Variants in PADI6 observed in about 807,000 individuals in gnomAD.
PADI6 encodes inactive protein-arginine deiminase type-6.
In PADI6, 66 loss-of-function variants were observed where a neutral mutation model predicts 78.2. The ratio of observed to expected loss-of-function variants is 0.84; its 90% CI spans 0.69 to 1.04. The LOEUF is 1.04. PADI6 is among the 50% of genes least tolerant of loss of function. PADI6 has a pLI of 0.00. For synonymous variants in PADI6, 397 were observed against 346.9 expected, an observed-to-expected ratio of 1.14 and a Z score of -1.60; for missense variants, 854 against 866.1, an observed-to-expected ratio of 0.99 and a Z score of 0.18.
intron 3 of PADI6, among the ~76,000 whole-genome samples, chr1:17,375,836 G>T (rs1039149094): frequency 2.0e-5 from 3 of 152,134 alleles, no homozygotes; most frequent in Non-Finnish European, 4.4e-5. Context: ...CTGGTCCAAA[G>T]TTAGTCTTTC....
At chr1:17,395,882 G>A (rs935048325) in intron 13 of PADI6, among the ~76,000 whole-genome samples, 3 of 152,206 alleles carry the variant, frequency 2.0e-5, no homozygotes, top group African/African-American at 7.2e-5. Context: ...CTGTTTGGAT[G>A]TATTTGAAGG....
intron 6 of PADI6, among the ~76,000 whole-genome samples, chr1:17,386,966 G>A (rs1420153403): frequency 6.6e-6 from 1 of 152,196 alleles, no homozygotes; most frequent in East Asian, 1.9e-4. Flanking sequence ...TGGATCTCTT[G>A]GGGTTCTAGT....
intron 2 of PADI6, 48 bp from the exon 3 acceptor site, chr1:17,375,379 C>A (rs1396468670): frequency 2.6e-6 from 4 of 1,534,190 alleles, no homozygotes; most frequent in Non-Finnish European, 3.6e-6. Flanking sequence ...CTGTTCCTGG[C>A]ACCTCCCGTC....
At chr1:17,376,491 A>AT (rs35174721) in intron 3 of PADI6, among the ~76,000 whole-genome samples, 9,074 of 148,200 alleles carry the variant, frequency 0.061, 610 homozygotes, top group African/African-American at 0.16. Flanking sequence ...TAGTGGGCTA[A>AT]TTTTTTTTAT....
At chr1:17,397,851 A>G (rs1460708864) in intron 14 of PADI6, among the ~76,000 whole-genome samples, 3 of 152,156 alleles carry the variant, frequency 2.0e-5, no homozygotes, top group Non-Finnish European at 2.9e-5. Flanking sequence ...TTCCCGGAAA[A>G]TGACATAGCT....
chr1:17,391,615 G>T (rs913825564), intron 8 of PADI6, among the ~76,000 whole-genome samples: 1 of 152,168 alleles, frequency 6.6e-6, no homozygotes. Flanking sequence ...TGTGCACAAC[G>T]GCTTGAAGAC....
chr1:17,394,641 C>T (rs994377343), intron 11 of PADI6, among the ~76,000 whole-genome samples, 187 bp downstream of exon 11: 7 of 152,044 alleles, frequency 4.6e-5, no homozygotes, highest in South Asian at 2.1e-4. Context: ...TCTTTGATTC[C>T]AGGGTTTAAA....
intron 13 of PADI6, 34 bp downstream of exon 13, chr1:17,395,697 G>A: frequency 6.3e-7 from 1 of 1,581,474 alleles, no homozygotes. Flanking sequence ...AACAGAACTG[G>A]GGTCTTCCTT....
intron 10 of PADI6, 65 bp from the exon 11 acceptor site, chr1:17,394,235 G>A: frequency 1.3e-6 from 2 of 1,589,096 alleles, no homozygotes; most frequent in Non-Finnish European, 1.7e-6. Flanking sequence ...TGGATTTAGG[G>A]ATAAGACTGG....
chr1:17,380,085 G>T, intron 4 of PADI6, 98 bp downstream of exon 4: 1 of 1,206,628 alleles, frequency 8.3e-7, no homozygotes. Context: ...TAGCCCAATT[G>T]CTGTGACATT....
At chr1:17,382,769 T>G (rs1170531843) in intron 6 of PADI6, among the ~76,000 whole-genome samples, 12 of 152,224 alleles carry the variant, frequency 7.9e-5, no homozygotes, top group Admixed American at 7.9e-4. Flanking sequence ...CATGCCAGCA[T>G]GCTTTCTTTG....
chr1:17,388,976 C>T (rs908815463), intron 8 of PADI6, 96 bp downstream of exon 8: 18 of 963,792 alleles, frequency 1.9e-5, no homozygotes, highest in Non-Finnish European at 2.4e-5. Flanking sequence ...ATGACTAGGA[C>T]CTCTCACCAG....
In PADI6 at chr1:17,390,354, C is replaced by A. The variant is rs557198799; in HGVS notation, c.962+1474C>A. Among the ~76,000 whole-genome samples, 4 of 151,810 alleles carry A rather than the reference C, an allele frequency of 2.6e-5. No homozygotes were observed. The South Asian group carries it at 8.3e-4, about 32-fold the overall frequency. On this transcript the variant is annotated intron_variant, in intron 8 of 15. Transcript: ENST00000619609. ...GTGGCTCATGCCTGTAATCCCAGCA[C>A]TTTGGGAGGCTGAGGCGGGCGGATC...
intron 4 of PADI6, among the ~76,000 whole-genome samples, chr1:17,380,254 G>A (rs1373418803): frequency 6.6e-6 from 1 of 152,132 alleles, no homozygotes; most frequent in African/African-American, 2.4e-5. Flanking sequence ...CTGTTACCCA[G>A]GCTGGAGTGC....
intron 9 of PADI6, 70 bp from the exon 10 acceptor site, chr1:17,393,905 T>C: frequency 7.1e-7 from 1 of 1,408,402 alleles, no homozygotes; most frequent in Non-Finnish European, 1.0e-6. Flanking sequence ...GTTCTTACCG[T>C]ACCTTTTCCG....
At position 17,400,889 on chromosome 1, in the gene PADI6, T is replaced by A. The variant is rs140793718; in HGVS notation, c.1852-316T>A. ...ATACAAAAGATGCGCAGCAGTCAAC[T>A]GACAAAGCGGGGGTGGGGAGAGTGT... On this transcript the variant is annotated intron_variant, in intron 15 of 15. Coordinates refer to ENST00000619609, the MANE Select transcript of PADI6 (RefSeq NM_207421.4). Among the ~76,000 whole-genome samples, 409 of 152,258 alleles carry A rather than the reference T, an allele frequency of 2.7e-3. 7 individuals carry two copies. Among genetic ancestry groups the A allele is most frequent in the African/African-American group, 9.3e-3 (387 of 41,552 alleles).
intron 8 of PADI6, among the ~76,000 whole-genome samples, chr1:17,389,601 C>T (rs148106080): frequency 7.2e-5 from 11 of 152,310 alleles, no homozygotes; most frequent in African/African-American, 2.4e-4. Context: ...TGAACACGCA[C>T]GGGGCCACGT....
At chr1:17,380,700 T>G (rs998097632) in intron 4 of PADI6, among the ~76,000 whole-genome samples, 39 of 152,294 alleles carry the variant, frequency 2.6e-4, no homozygotes, top group African/African-American at 9.1e-4. Context: ...CTGGCAACTC[T>G]AGGCTCATGT....
Position 17,381,168 on chromosome 1 carries a change from G to A in PADI6, c.553+4G>A. ...AAGAAAGTGATCTTTTCAGAGGGTAGGACCTCAGACTGTCTCTGCCTTTCC... is the reference window on the plus strand; with the variant it reads ...AAGAAAGTGATCTTTTCAGAGGGTAAGACCTCAGACTGTCTCTGCCTTTCC... On this transcript the variant is annotated splice_donor_region_variant and intron_variant, in intron 5 of 15. Coordinates refer to ENST00000619609, the MANE Select transcript of PADI6 (RefSeq NM_207421.4). 1 of 1,587,230 alleles carries A rather than the reference G, an allele frequency of 6.3e-7. No homozygotes were observed. Among genetic ancestry groups the A allele is most frequent in the Non-Finnish European group, 8.6e-7 (1 of 1,165,832 alleles).
Sources: gnomAD v4.1 joint callset for allele counts (sites outside exome capture counted in the v4.1 genomes callset) on GRCh38, gnomAD v4.1.1 for gene constraint, MANE v1.5 for transcripts, NCBI Gene and HGNC (gene_info 2026-07-23, HGNC 2026-07-21) for gene names.